The following PCDHGA5 variants were observed in gnomAD, a reference collection of about 807,000 sequenced individuals.
PCDHGA5 encodes protocadherin gamma subfamily A, 5, also known as protocadherin gamma-A5.
PCDHGA5 carries 36 observed loss-of-function variants against 56.7 expected under a neutral mutation model. The ratio of observed to expected loss-of-function variants is 0.64; its 90% CI spans 0.49 to 0.84. The LOEUF is 0.84. Among genes scored for constraint, PCDHGA5 ranks in the 40% least tolerant of loss-of-function variants. The pLI is 0.00. For missense variants in PCDHGA5, 1,305 were observed against 1,201.5 expected, an observed-to-expected ratio of 1.09 and a Z score of -1.27; for synonymous variants, 563 against 520.2, an observed-to-expected ratio of 1.08 and a Z score of -1.12.
Position 141,431,755 on chromosome 5 carries a change from AGTCCT to A in PCDHGA5, c.2422-63050_2422-63046del. On this transcript the variant is annotated intron_variant, in intron 1 of 3. Coordinates refer to ENST00000518069, the MANE Select transcript of PCDHGA5 (RefSeq NM_018918.3). This position sits in a 1 kb window ranked among gnomAD's most constrained non-coding sequence, Gnocchi z 4.8. ...ATGCAGGATATTCTGCGCGAGCCAA[AGTCCT>A]GATCACTGTTCTGGACGTGAACGAC... 6.2e-7 allele frequency: 1 copy of A among 1,614,238 alleles called. No individual in the cohort carries two copies. Among genetic ancestry groups the A allele is most frequent in the Non-Finnish European group, 8.5e-7 (1 of 1,180,048 alleles).
intron 1 of PCDHGA5, chr5:141,430,576 T>G (rs767759432): frequency 3.3e-5 from 15 of 459,492 alleles, no homozygotes; most frequent in Non-Finnish European, 5.5e-5. Flanking sequence ...AAAGCGGAGA[T>G]CCTGCTCGCC....
chr5:141,404,169 C>T (rs199556803), intron 1 of PCDHGA5: 118 of 1,612,734 alleles, frequency 7.3e-5, no homozygotes, highest in Non-Finnish European at 8.8e-5. Flanking sequence ...AGATTGTTGA[C>T]GGCCCAAATT....
chr5:141,383,849 T>C (rs757932608), intron 1 of PCDHGA5: 9 of 1,613,952 alleles, frequency 5.6e-6, no homozygotes, highest in South Asian at 4.4e-5. Flanking sequence ...TTCTATGAAA[T>C]GGAGGTTCAG....
In PCDHGA5 at chr5:141,404,353, A is replaced by G. The variant is rs778714799; in HGVS notation, c.2421+37602A>G. ...TCTACCTCCCGGAAAACAACGCCAGAGGTACTTCCATCTTCTCCGTGATTG... is the reference window on the plus strand; with the variant it reads ...TCTACCTCCCGGAAAACAACGCCAGGGGTACTTCCATCTTCTCCGTGATTG... On this transcript the variant is annotated intron_variant, in intron 1 of 3. Coordinates refer to ENST00000518069, the MANE Select transcript of PCDHGA5 (RefSeq NM_018918.3). 2.0e-5 allele frequency: 33 copies of G among 1,613,948 alleles called. No individual in the cohort carries two copies. In the Admixed American group the frequency reaches 5.5e-4, roughly 27 times the overall value.
In PCDHGA5 at chr5:141,409,757, G is replaced by T. The variant is rs376391018; in HGVS notation, c.2421+43006G>T. On this transcript the variant is annotated intron_variant, in intron 1 of 3. Coordinates refer to ENST00000518069, the MANE Select transcript of PCDHGA5 (RefSeq NM_018918.3). ...GAGCGGGGTGGTGTTCGCGCAGCGC[G>T]CCTTTGATCACGAGCAGCTGCGCGC... is the stretch of plus-strand genomic sequence containing the variant. 5 of 1,612,868 alleles carry T rather than the reference G, an allele frequency of 3.1e-6. No homozygotes were observed. In the East Asian group the frequency reaches 6.7e-5, roughly 22 times the overall value.
chr5:141,383,714 G>T (rs1561598272), intron 1 of PCDHGA5: 3 of 1,613,972 alleles, frequency 1.9e-6, no homozygotes, highest in Middle Eastern at 1.6e-4. Context: ...CTGGACGAGG[G>T]AGTCAATGGG....
intron 1 of PCDHGA5, chr5:141,412,903 G>T: frequency 5.3e-6 from 2 of 376,030 alleles, no homozygotes; most frequent in East Asian, 4.2e-5. Flanking sequence ...ACTTTCCATT[G>T]CATGTATCAC....
rs530762959 is a variant in PCDHGA5, at chr5:141,366,750, A to T, written c.2420A>T (p.Gln807Leu). The T allele has an allele frequency of 5.7e-5, 92 of 1,607,760 alleles. No individual in the cohort carries two copies. Among genetic ancestry groups the T allele is most frequent in the Non-Finnish European group, 7.1e-5 (84 of 1,175,456 alleles). ...GCAAACAAAGAAGAACGGCGAGTTC[A>T]GGTTAGTTTTCTCTTTCGGTAAGGA... ...VDANKEERRV[Q>L]QAPPNTDWRF... Residue 807 changes from glutamine to leucine, a missense_variant and splice_region_variant, in exon 1 of 4, where the codon CAG (glutamine) becomes CTG (leucine). By Grantham distance (113) the Gln-to-Leu change is moderately radical. Transcript: ENST00000518069.
chr5:141,491,705 G>A lies in PCDHGA5; in HGVS notation c.2422-3102G>A. ...ACGCTGCGGGAGCGGAGCCAGGTGA[G>A]GGGCTCGGCGCCGCCCCGGGCGACC... is the stretch of plus-strand genomic sequence containing the variant. On this transcript the variant is annotated intron_variant, in intron 1 of 3. Transcript: ENST00000518069. The surrounding 1 kb of genome is among the most constrained non-coding windows in gnomAD (Gnocchi z 6.9). 1 of 1,611,064 alleles carries A rather than the reference G, an allele frequency of 6.2e-7. No homozygotes were observed. Among genetic ancestry groups the A allele is most frequent in the South Asian group, 1.1e-5 (1 of 90,828 alleles).
chr5:141,393,373 A>G lies in PCDHGA5; in HGVS notation c.2421+26622A>G, dbSNP rs1364997808. 1 of 1,613,956 alleles carries G rather than the reference A, an allele frequency of 6.2e-7. No homozygotes were observed. The highest frequency in any genetic ancestry group is 1.3e-5 in the African/African-American group (1 of 75,054). On this transcript the variant is annotated intron_variant, in intron 1 of 3. Transcript: ENST00000518069. ...TCCCTGGACGTGCAGACTGGAGACA[A>G]TGGAGCCATAAACCCAGAGCTGGTG...
chr5:141,504,988 C>T (rs886919738), intron 2 of PCDHGA5, among the ~76,000 whole-genome samples: 2 of 152,036 alleles, frequency 1.3e-5, no homozygotes, highest in African/African-American at 4.8e-5. Context: ...ATGGTGAAAC[C>T]CCGTCTGTAC....
At chr5:141,383,610 C>A (rs372785458) in intron 1 of PCDHGA5, 15 of 1,613,700 alleles carry the variant, frequency 9.3e-6, no homozygotes, top group Non-Finnish European at 1.3e-5. Flanking sequence ...ATGTGAATGA[C>A]CACACGCCTG....
At chr5:141,400,203 G>C in intron 1 of PCDHGA5, 1 of 1,613,996 alleles carries the variant, frequency 6.2e-7, no homozygotes, top group Non-Finnish European at 8.5e-7. Flanking sequence ...TGGTGGCCTT[G>C]GCCTTGATCT....
intron 2 of PCDHGA5, among the ~76,000 whole-genome samples, chr5:141,503,681 A>C (rs1313633991): frequency 6.6e-6 from 1 of 152,102 alleles, no homozygotes; most frequent in Non-Finnish European, 1.5e-5. Context: ...ACTTTTGGGA[A>C]GGAGAATTGA....
At chr5:141,450,679 G>A (rs2098690217) in intron 1 of PCDHGA5, among the ~76,000 whole-genome samples, 2 of 151,914 alleles carry the variant, frequency 1.3e-5, no homozygotes, top group Non-Finnish European at 2.9e-5. Context: ...TAGAAACGGG[G>A]TTTTGCCATG....
chr5:141,391,875 T>C (rs2092433581), intron 1 of PCDHGA5: 2 of 152,212 alleles, frequency 1.3e-5, no homozygotes, highest in Non-Finnish European at 2.9e-5. Context: ...ATCATCTCTT[T>C]GGTGAAAGGG....
intron 1 of PCDHGA5, chr5:141,389,657 G>C (rs372714152): frequency 8.1e-6 from 13 of 1,612,432 alleles, no homozygotes; most frequent in African/African-American, 2.7e-5. Context: ...AGGTAGTGGC[G>C]GTGGACGCAG....
At chr5:141,403,986 C>T in intron 1 of PCDHGA5, 1 of 1,613,704 alleles carries the variant, frequency 6.2e-7, no homozygotes, top group Non-Finnish European at 8.5e-7. Context: ...GACAATAGAC[C>T]TGAAGTGACC....
At position 141,443,088 on chromosome 5, in the gene PCDHGA5, T is replaced by C. The variant is rs188899890; in HGVS notation, c.2422-51719T>C. On this transcript the variant is annotated intron_variant, in intron 1 of 3. Transcript: ENST00000518069. ...CGTCTTATGACTGAGTGTTCCAGTC[T>C]CCTTCTCAAGCTGAACCTTGCTTTT... is the stretch of plus-strand genomic sequence containing the variant. 2.9e-3 allele frequency among the ~76,000 whole-genome samples: 446 copies of C among 152,092 alleles called. 1 individual carries two copies. Among genetic ancestry groups the C allele is most frequent in the Middle Eastern group, 0.014 (4 of 294 alleles).
Sources: allele counts gnomAD v4.1 joint callset (sites outside exome capture counted in the v4.1 genomes callset), GRCh38; gene constraint gnomAD v4.1.1; non-coding constraint Gnocchi (gnomAD v3.1); transcripts MANE v1.5; gene names NCBI Gene and HGNC (gene_info 2026-07-23, HGNC 2026-07-21).